The following ZNF594 variants were observed in gnomAD, a reference collection of about 807,000 sequenced individuals.
ZNF594 encodes zinc finger protein HZF18.
For missense variants in ZNF594, 1,037 were observed against 964.6 expected (o/e 1.08, Z -0.99); for synonymous variants, 336 against 309.4 (o/e 1.09, Z -0.90).
Position 5,182,084 on chromosome 17 carries a change from T to G in ZNF594, c.2173A>C (p.Lys725Gln). ...KLFMWHTAFL[K>Q]HQRLHAGEKL... The stretch of plus-strand genomic sequence containing the variant: ...TCTCCAGCATGCAGTCTCTGATGTT[T>G]GAGGAAAGCCGTGTGCCACATGAAG... Residue 725 changes from lysine (K) to glutamine (Q), a missense_variant, in exon 2 of 2, where the codon AAA becomes CAA. Coordinates refer to ENST00000575779, the MANE Select transcript of ZNF594 (RefSeq NM_032530.2). The G allele has an allele frequency of 6.2e-7, 1 of 1,613,720 alleles. No individual in the cohort carries two copies. Among genetic ancestry groups the G allele is most frequent in the African/African-American group, 1.3e-5 (1 of 74,682 alleles).
Position 5,182,912 on chromosome 17 carries a change from T to C in ZNF594, c.1345A>G (p.Arg449Gly), listed in dbSNP as rs2074356677. ...TCTCCAGTATGAACACGATGGTGTC[T>C]AATAAGATCTGAGCTGCCCCTAAAA... The part of the protein sequence containing the change: ...KSFRGSSDLI[R>G]HHRVHTGEKP... Residue 449 changes from arginine (R) to glycine (G), a missense_variant, in exon 2 of 2, where the codon AGA becomes GGA. Transcript: ENST00000575779. 3 of 1,613,954 alleles carry C rather than the reference T, an allele frequency of 1.9e-6. No homozygotes were observed.
chr17:5,191,194 T>A (rs1347316737), intron 1 of ZNF594, among the ~76,000 whole-genome samples: 1 of 152,110 alleles, frequency 6.6e-6, no homozygotes, highest in Non-Finnish European at 1.5e-5. Context: ...AGTGTGGCGT[T>A]TCTCTGTAAC....
In ZNF594 at chr17:5,183,733, C is replaced by A. The variant is rs893323838; in HGVS notation, c.524G>T (p.Arg175Ile). 10 of 1,610,830 alleles carry A rather than the reference C, an allele frequency of 6.2e-6. No homozygotes were observed. Among genetic ancestry groups the A allele is most frequent in the African/African-American group, 1.4e-5 (1 of 72,732 alleles). Residue 175 changes from arginine (R) to isoleucine (I), a missense_variant, in exon 2 of 2, where the codon AGA becomes ATA. Physicochemically the swap from Arg to Ile is moderately conservative, Grantham distance 97 (BLOSUM62 -3). Coordinates refer to ENST00000575779, the MANE Select transcript of ZNF594 (RefSeq NM_032530.2). ...ATAAGGTTTCTTTCCTGTATGAATT[C>A]TCTGATGTATAATAAGATTTGAACT... Reference protein sequence around the residue: ...NQSSNLIIHQRIHTGKKPYIC... With the variant: ...NQSSNLIIHQIIHTGKKPYIC...
rs1289549927 is a variant in ZNF594 at position 5,179,908 on chromosome 17, C to T, written c.*1925G>A. 1 of 151,818 alleles carries T rather than the reference C, an allele frequency of 6.6e-6. No homozygotes were observed. The highest frequency in any genetic ancestry group is 1.9e-4 in the East Asian group (1 of 5,188). The allele number at this position is 151,818 out of a possible 1,614,324, so 9.4% of individuals were successfully genotyped here. On this transcript the variant is annotated 3_prime_UTR_variant, in exon 2 of 2. Transcript: ENST00000575779. ...GTTTGGTAAACATAATCTTTTAAGA[C>T]ACAGGACATAGGGGAGTAAAAAGAA...
In ZNF594 at chr17:5,182,672, T is replaced by C; in HGVS notation, c.1585A>G (p.Thr529Ala). The change falls in exon 2 of 2, where the codon ACA (threonine) becomes GCA (alanine). Residue 529 changes from threonine (T) to alanine (A), a missense_variant. Thr to Ala is a moderately conservative substitution (Grantham distance 58). Coordinates refer to ENST00000575779, the MANE Select transcript of ZNF594 (RefSeq NM_032530.2). ...KECGKLFIWR[T>A]AFLKHQSLHT... ...AGGCTCTGATGTTTGAGGAAAGCTG[T>C]GCGCCAAATGAAGAGCTTCCCACAT... The C allele has an allele frequency of 1.2e-6, 2 of 1,613,950 alleles. No homozygotes were observed. Among genetic ancestry groups the C allele is most frequent in the Non-Finnish European group, 1.7e-6 (2 of 1,179,982 alleles).
At chr17:5,177,314 G>C (rs560461931), downstream of ZNF594, among the ~76,000 whole-genome samples, 1 of 152,182 alleles carries the variant, frequency 6.6e-6, no homozygotes, top group Admixed American at 6.5e-5. Flanking sequence ...CAAAACAAAA[G>C]CCTGTTCCAT....
At chr17:5,176,013 T>G (rs1310207026), downstream of ZNF594, among the ~76,000 whole-genome samples, 1 of 152,172 alleles carries the variant, frequency 6.6e-6, no homozygotes, top group Non-Finnish European at 1.5e-5. Context: ...GTTTTGTTGT[T>G]TGTTTCTTTA....
chr17:5,184,459 T>C (rs2074373426), intron 1 of ZNF594, 183 bp from the exon 2 acceptor site: 2 of 654,370 alleles, frequency 3.1e-6, no homozygotes, highest in Non-Finnish European at 4.9e-6. Context: ...CATACCCTGT[T>C]GGTGAAAAAA....
chr17:5,181,613 G>C lies in ZNF594; in HGVS notation c.*220C>G. ...GTTGAATAAGGAGTGAACGCCGCCT[G>C]AAGGCTTTTTCACATTCAGTGCACT... On this transcript the variant is annotated 3_prime_UTR_variant, in exon 2 of 2. Transcript: ENST00000575779. 1 of 1,607,076 alleles carries C rather than the reference G, an allele frequency of 6.2e-7. No individual in the cohort carries two copies. Among genetic ancestry groups the C allele is most frequent in the Non-Finnish European group, 8.5e-7 (1 of 1,173,598 alleles).
Position 5,181,871 on chromosome 17 carries a change from T to C in ZNF594, c.2386A>G (p.Lys796Glu), listed in dbSNP as rs1598127673. 4 of 1,614,080 alleles carry C rather than the reference T, an allele frequency of 2.5e-6. No individual in the cohort carries two copies. The highest frequency in any genetic ancestry group is 3.4e-6 in the Non-Finnish European group (4 of 1,180,010). Residue 796 changes from lysine (K) to glutamate (E), a missense_variant, in exon 2 of 2, where the codon AAA becomes GAA. Transcript: ENST00000575779. Reference sequence around the variant, plus strand: ...GAAGGTCTGAGCTCTGATTGAGTTTTCCCACATTCTTTACATTCATATGGT... The same window carrying C: ...GAAGGTCTGAGCTCTGATTGAGTTTCCCCACATTCTTTACATTCATATGGT... ...EKPYECKECG[K>E]TQSELRPSET...
At position 5,181,908 on chromosome 17, in the gene ZNF594, A is replaced by G; in HGVS notation, c.2349T>C (p.His783=). The change falls in exon 2 of 2, where the codon CAT becomes CAC. Residue 783 remains histidine (H), a synonymous_variant. Coordinates refer to ENST00000575779, the MANE Select transcript of ZNF594 (RefSeq NM_032530.2). ...SSDLIRHQVT[H]TREKPYECKE... is the part of the protein sequence containing the mutation. Reference sequence around the variant, plus strand: ...TACATTCATATGGTTTCTCTCTTGTATGAGTTACCTGATGTCTGATGAGAT... The same window carrying G: ...TACATTCATATGGTTTCTCTCTTGTGTGAGTTACCTGATGTCTGATGAGAT... 6.2e-7 allele frequency: 1 copy of G among 1,613,988 alleles called. No homozygotes were observed. Among genetic ancestry groups the G allele is most frequent in the South Asian group, 1.1e-5 (1 of 91,070 alleles).
At position 5,182,318 on chromosome 17, in the gene ZNF594, T is replaced by C. The variant is rs375502609; in HGVS notation, c.1939A>G (p.Thr647Ala). Residue 647 changes from threonine to alanine, a missense_variant, in exon 2 of 2, where the codon ACT (threonine) becomes GCT (alanine). Thr to Ala is a moderately conservative substitution (Grantham distance 58). Transcript: ENST00000575779. Reference sequence around the variant, plus strand: ...CTACATTCATAGGGTTTCTCTCCAGTATGAATACGATGGTGTTTAATAAGA... The same window carrying C: ...CTACATTCATAGGGTTTCTCTCCAGCATGAATACGATGGTGTTTAATAAGA... Reference protein sequence around the residue: ...SDLIKHHRIHTGEKPYECSEC... With the variant: ...SDLIKHHRIHAGEKPYECSEC... 3.9e-5 allele frequency: 63 copies of C among 1,613,476 alleles called. No individual in the cohort carries two copies. Among genetic ancestry groups the C allele is most frequent in the Admixed American group, 5.0e-5 (3 of 59,986 alleles).
chr17:5,183,578 C>A lies in ZNF594; in HGVS notation c.679G>T (p.Val227Phe). 1 of 1,614,166 alleles carries A rather than the reference C, an allele frequency of 6.2e-7. No homozygotes were observed. The highest frequency in any genetic ancestry group is 8.5e-7 in the Non-Finnish European group (1 of 1,180,026). ...GKAFKGSSNL[V>F]LHQRIHSRGK... ...CTACTGTGGATTCTCTGGTGCAGGA[C>A]AAGGTTTGAGCTTCCCTTAAAAGCC... is the stretch of plus-strand genomic sequence containing the variant. The change falls in exon 2 of 2, where the codon GTC becomes TTC. Residue 227 changes from valine (V) to phenylalanine (F), a missense_variant. Transcript: ENST00000575779.
At chr17:5,175,210 C>A (rs1341744364), downstream of ZNF594, among the ~76,000 whole-genome samples, 1 of 152,218 alleles carries the variant, frequency 6.6e-6, no homozygotes, top group Non-Finnish European at 1.5e-5. Context: ...CCGGGCTGCA[C>A]AGCAGGAGGT....
intron 1 of ZNF594, among the ~76,000 whole-genome samples, chr17:5,184,746 C>T (rs1285174159): frequency 6.6e-6 from 1 of 152,190 alleles, no homozygotes; most frequent in Admixed American, 6.5e-5. Context: ...ACACCGGTAC[C>T]AGGAAGTTAG....
Position 5,183,147 on chromosome 17 carries a change from G to A in ZNF594, c.1110C>T (p.His370=), listed in dbSNP as rs1424160895. Residue 370 remains histidine (H), a synonymous_variant, in exon 2 of 2, where the codon CAC becomes CAT. Transcript: ENST00000575779. The stretch of plus-strand genomic sequence containing the variant: ...TACACCAATAAGCTTTCTCTTCCTG[G>A]TGAATTCTCTGCTCTTCCCTAAGCT... ...DEELREEQRI[H]QEEKAYWCNQ... is the part of the protein sequence containing the mutation. 6.2e-7 allele frequency: 1 copy of A among 1,614,126 alleles called. No homozygotes were observed. The highest frequency in any genetic ancestry group is 1.7e-5 in the Admixed American group (1 of 60,014).
chr17:5,177,567 T>C (rs554684372), downstream of ZNF594, among the ~76,000 whole-genome samples: 78 of 151,822 alleles, frequency 5.1e-4, no homozygotes, highest in Admixed American at 2.7e-3. Flanking sequence ...AGCCGGGCAC[T>C]GTGGCTCACA....
chr17:5,183,403 T>C lies in ZNF594; in HGVS notation c.854A>G (p.His285Arg), dbSNP rs2074362650. 5 of 1,613,872 alleles carry C rather than the reference T, an allele frequency of 3.1e-6. No individual in the cohort carries two copies. The highest frequency in any genetic ancestry group is 4.2e-6 in the Non-Finnish European group (5 of 1,180,028). ...MFSQSSHLVP[H>R]QRIHTGEKPL... is the part of the protein sequence containing the mutation. ...TTTCTCTCCAGTGTGAATTCTCTGA[T>C]GTGGGACAAGGTGTGAACTTTGACT... The change falls in exon 2 of 2, where the codon CAT becomes CGT. Residue 285 changes from histidine to arginine, a missense_variant. His to Arg is a conservative substitution (Grantham distance 29). Coordinates refer to ENST00000575779, the MANE Select transcript of ZNF594 (RefSeq NM_032530.2).
In ZNF594 at chr17:5,182,455, C is replaced by T; in HGVS notation, c.1802G>A (p.Cys601Tyr). Residue 601 changes from cysteine (C) to tyrosine (Y), a missense_variant, in exon 2 of 2, where the codon TGT becomes TAT. Coordinates refer to ENST00000575779, the MANE Select transcript of ZNF594 (RefSeq NM_032530.2). ...TGAGCTCTGATTGAAAGTTTTCCCA[C>T]ATTCTTTGCATTCATATGGTTTCTC... is the stretch of plus-strand genomic sequence containing the variant. ...TREKPYECKE[C>Y]GKTFNQSSDL... 6.2e-7 allele frequency: 1 copy of T among 1,613,806 alleles called. No homozygotes were observed. Among genetic ancestry groups the T allele is most frequent in the Non-Finnish European group, 8.5e-7 (1 of 1,179,960 alleles).
Sources: gnomAD v4.1 joint callset for allele counts (sites outside exome capture counted in the v4.1 genomes callset) on GRCh38, gnomAD v4.1.1 for gene constraint, MANE v1.5 for transcripts, NCBI Gene and HGNC (gene_info 2026-07-23, HGNC 2026-07-21) for gene names.